Variants in PKN2 observed in about 807,000 individuals in gnomAD.
The protein encoded by PKN2 is protein kinase N2, also known as serine/threonine-protein kinase N2.
PKN2 carries 38 observed loss-of-function variants against 119.1 expected under a neutral mutation model. The observed-to-expected ratio is 0.32, with a 90% CI of 0.25 to 0.42. PKN2 has a LOEUF of 0.42. PKN2 is among the 10% of genes least tolerant of loss of function. The pLI is 1.00. For missense variants in PKN2, 850 were observed against 1,165.1 expected (o/e 0.73, Z 3.94); for synonymous variants, 390 against 384.9 (o/e 1.01, Z -0.15).
In PKN2 at chr1:88,771,410, T is replaced by C; in HGVS notation, c.623-11T>C. ...TAAATGGTGCAATTAAAATTTTTTT[T>C]TCCTTTCTAGCAAAACCTGTGATAA... On this transcript the variant is annotated splice_polypyrimidine_tract_variant and intron_variant, in intron 4 of 21. Transcript: ENST00000370521. 1 of 1,571,034 alleles carries C rather than the reference T, an allele frequency of 6.4e-7. No individual in the cohort carries two copies. The highest frequency in any genetic ancestry group is 1.2e-5 in the South Asian group (1 of 82,706).
intron 6 of PKN2, among the ~76,000 whole-genome samples, chr1:88,774,845 A>G (rs1415463557): frequency 2.0e-5 from 3 of 152,020 alleles, no homozygotes; most frequent in Non-Finnish European, 4.4e-5. Flanking sequence ...AGTAGCTAGG[A>G]GTACGGGAAC....
At chr1:88,811,034 A>G (rs1671764292) in intron 15 of PKN2, among the ~76,000 whole-genome samples, 1 of 152,210 alleles carries the variant, frequency 6.6e-6, no homozygotes, top group Admixed American at 6.5e-5. Context: ...CCTCTTTTTA[A>G]GTGAACACAA....
At chr1:88,769,840 G>C (rs1669811599) in intron 3 of PKN2, among the ~76,000 whole-genome samples, 1 of 152,050 alleles carries the variant, frequency 6.6e-6, no homozygotes, top group South Asian at 2.1e-4. Context: ...TTGGTCAAAA[G>C]GTACATACTT....
intron 1 of PKN2, among the ~76,000 whole-genome samples, chr1:88,695,609 C>A (rs1189248857): frequency 1.3e-5 from 2 of 152,186 alleles, no homozygotes; most frequent in East Asian, 3.8e-4. Context: ...TGTAGTGATA[C>A]GTGCTGTTCA....
At chr1:88,747,300 A>C (rs969555469) in intron 2 of PKN2, among the ~76,000 whole-genome samples, 1 of 152,194 alleles carries the variant, frequency 6.6e-6, no homozygotes, top group Non-Finnish European at 1.5e-5. Context: ...TTGAGGTGAT[A>C]GATACCTTAG....
Position 88,804,412 on chromosome 1 carries a change from G to T in PKN2, c.1303G>T (p.Val435Phe). The T allele has an allele frequency of 6.2e-7, 1 of 1,610,366 alleles. No individual in the cohort carries two copies. The highest frequency in any genetic ancestry group is 8.5e-7 in the Non-Finnish European group (1 of 1,178,030). ...LDRSRELEIS[V>F]YWRDWRSLCA... ...CTAGTCACGTGAACTGGAAATTTCA[G>T]TTTATTGGCGTGATTGGCGGTCTCT... Residue 435 changes from valine (V) to phenylalanine (F), a missense_variant, in exon 9 of 22, where the codon GTT (valine) becomes TTT (phenylalanine). Transcript: ENST00000370521.
chr1:88,743,255 T>C (rs924052178), intron 2 of PKN2, among the ~76,000 whole-genome samples: 2 of 152,192 alleles, frequency 1.3e-5, no homozygotes, highest in Admixed American at 1.3e-4. Context: ...AAGTACATGA[T>C]TTAATGATTT....
chr1:88,823,686 AGAGT>A (rs1209130694), intron 17 of PKN2, among the ~76,000 whole-genome samples: 1 of 142,870 alleles, frequency 7.0e-6, no homozygotes, highest in East Asian at 2.1e-4. Flanking sequence ...CCTGGGTGAC[AGAGT>A]GAGACTCTGT....
At chr1:88,753,678 G>A (rs1325320795) in intron 2 of PKN2, among the ~76,000 whole-genome samples, 1 of 140,156 alleles carries the variant, frequency 7.1e-6, no homozygotes, top group Non-Finnish European at 1.5e-5. Flanking sequence ...GAGCAGGAGC[G>A]AGAGAGAGAG....
chr1:88,738,949 A>G (rs1427741538), intron 1 of PKN2, among the ~76,000 whole-genome samples: 2 of 152,190 alleles, frequency 1.3e-5, no homozygotes, highest in Non-Finnish European at 2.9e-5. Flanking sequence ...AACCAAATGG[A>G]TCGTAGGACT....
chr1:88,729,913 A>G (rs1368858696), intron 1 of PKN2, among the ~76,000 whole-genome samples: 2 of 152,104 alleles, frequency 1.3e-5, no homozygotes, highest in South Asian at 2.1e-4. Context: ...GTAAAAACCA[A>G]AGTCTTCTTT....
rs183822716 is a variant in PKN2 at position 88,762,548 on chromosome 1, T to C, written c.504+2172T>C. On this transcript the variant is annotated intron_variant, in intron 3 of 21. Coordinates refer to ENST00000370521, the MANE Select transcript of PKN2 (RefSeq NM_006256.4). ...ATTAATTTATTCATTAAGGATTTTG[T>C]TAAAAGTTTGATAGCCATTATGCTC... is the stretch of plus-strand genomic sequence containing the variant. Among the ~76,000 whole-genome samples, 552 of 152,344 alleles carry C rather than the reference T, an allele frequency of 3.6e-3. 2 individuals are homozygous for C. Among genetic ancestry groups the C allele is most frequent in the Non-Finnish European group, 4.7e-3 (319 of 68,034 alleles).
In PKN2 at chr1:88,807,329, T is replaced by C. The variant is rs769594034; in HGVS notation, c.1820T>C (p.Phe607Ser). ...ATTTTACAGGATTCAGAGACTGTTT[T>C]TGATATTCAGAATGACAGAAATAGT... Reference protein sequence around the residue: ...DIPGQDSETVFDIQNDRNSIL... With the variant: ...DIPGQDSETVSDIQNDRNSIL... Residue 607 changes from phenylalanine to serine, a missense_variant, in exon 13 of 22, where the codon TTT (phenylalanine) becomes TCT (serine). By Grantham distance (155) the Phe-to-Ser change is radical. Transcript: ENST00000370521. The C allele has an allele frequency of 1.0e-5, 16 of 1,572,698 alleles. No individual in the cohort carries two copies. The East Asian group carries it at 2.7e-4, about 27-fold the overall frequency.
At chr1:88,775,311 C>G (rs549437651) in intron 6 of PKN2, among the ~76,000 whole-genome samples, 1 of 152,120 alleles carries the variant, frequency 6.6e-6, no homozygotes, top group Non-Finnish European at 1.5e-5. Context: ...TCACTTCCTC[C>G]GTAGTTTTGC....
chr1:88,719,231 T>TGAAA (rs1667573739), intron 1 of PKN2, among the ~76,000 whole-genome samples: 2 of 152,246 alleles, frequency 1.3e-5, no homozygotes, highest in African/African-American at 4.8e-5. Flanking sequence ...TTTGGATCTT[T>TGAAA]TATTGTTTCT....
intron 8 of PKN2, among the ~76,000 whole-genome samples, chr1:88,793,851 C>A (rs1217986532): frequency 6.6e-6 from 1 of 152,114 alleles, no homozygotes; most frequent in African/African-American, 2.4e-5. Context: ...AAAAAGTCTA[C>A]ATATTCAGTA....
At chr1:88,828,438 T>G (rs1557640161) in intron 18 of PKN2, 43 bp from the exon 19 acceptor site, 2 of 1,533,002 alleles carry the variant, frequency 1.3e-6, no homozygotes, top group Non-Finnish European at 1.8e-6. Flanking sequence ...TATGCTAGAT[T>G]TGTTTTCTTT....
rs183541667 is a variant in PKN2, at chr1:88,790,119, A to T, written c.1281+3906A>T. On this transcript the variant is annotated intron_variant, in intron 8 of 21. Transcript: ENST00000370521. ...AGAAGCATCCTTTCTGGGGCCTTACATCTTTCTGCTCCAATTTATATAGCT... is the reference window on the plus strand; with the variant it reads ...AGAAGCATCCTTTCTGGGGCCTTACTTCTTTCTGCTCCAATTTATATAGCT... 2.4e-3 allele frequency among the ~76,000 whole-genome samples: 371 copies of T among 152,254 alleles called. 3 individuals carry two copies. The highest frequency in any genetic ancestry group is 8.8e-3 in the African/African-American group (366 of 41,552).
rs1265829125 is a variant in PKN2, at chr1:88,836,175, TTTCTC to T, written c.*2730_*2734del. ...TGCAAGCACCAGTATTGTATGTACT[TTTCTC>T]TTGTTTGAGGTTAGCTTATTTTAAT... On this transcript the variant is annotated 3_prime_UTR_variant, in exon 22 of 22. Transcript: ENST00000370521. The T allele has an allele frequency of 3.3e-5, 5 of 152,154 alleles. No homozygotes were observed. Among genetic ancestry groups the T allele is most frequent in the Admixed American group, 6.6e-5 (1 of 15,266 alleles). The allele number at this position is 152,154 out of a possible 1,614,324, so 9.4% of individuals were successfully genotyped here. A position where few individuals can be genotyped will look rare whatever the true frequency, so the allele number is the denominator to read the frequency against.
Sources: allele counts gnomAD v4.1 joint callset (sites outside exome capture counted in the v4.1 genomes callset), GRCh38; gene constraint gnomAD v4.1.1; transcripts MANE v1.5; gene names NCBI Gene and HGNC (gene_info 2026-07-23, HGNC 2026-07-21).